NOL4L: variants seen among roughly 807,000 people sequenced by gnomAD.
The protein encoded by NOL4L is nucleolar protein 4 like, also known as nucleolar protein 4-like.
NOL4L carries 7 observed loss-of-function variants against 64.5 expected under a neutral mutation model. The ratio of observed to expected loss-of-function variants is 0.11; its 90% confidence interval spans 0.06 to 0.20. NOL4L has a LOEUF of 0.20. NOL4L is among the 10% of genes least tolerant of loss of function. The pLI, the probability that NOL4L is intolerant of heterozygous loss-of-function variation, is 1.00. For missense variants in NOL4L, 680 were observed against 967.1 expected, an observed-to-expected ratio of 0.70 and a Z score of 3.94; for synonymous variants, 413 against 401.0, an observed-to-expected ratio of 1.03 and a Z score of -0.36.
At chr20:32,562,354 G>T (rs751061062) in intron 1 of NOL4L, among the ~76,000 whole-genome samples, 1 of 152,104 alleles carries the variant, frequency 6.6e-6, no homozygotes, top group African/African-American at 2.4e-5. Flanking sequence ...CCTCAACGCC[G>T]CCTGCCCCAA....
intron 1 of NOL4L, among the ~76,000 whole-genome samples, chr20:32,576,719 C>T (rs1272124506): frequency 1.3e-5 from 2 of 152,198 alleles, no homozygotes; most frequent in African/African-American, 2.4e-5. Context: ...CCCACGACTC[C>T]CGTCTGCTAG....
chr20:32,552,425 G>A (rs1600867998), intron 1 of NOL4L, among the ~76,000 whole-genome samples: 1 of 152,044 alleles, frequency 6.6e-6, no homozygotes. Context: ...GGTAGCTCAT[G>A]CCTATAATCC....
chr20:32,496,297 T>C (rs1484152709), intron 4 of NOL4L, among the ~76,000 whole-genome samples: 2 of 152,250 alleles, frequency 1.3e-5, no homozygotes, highest in Non-Finnish European at 2.9e-5. Context: ...GCTCGGATGC[T>C]GCCTCTTCAG....
At chr20:32,503,439 G>T (rs893720108) in intron 4 of NOL4L, among the ~76,000 whole-genome samples, 1 of 152,178 alleles carries the variant, frequency 6.6e-6, no homozygotes, top group Non-Finnish European at 1.5e-5. Context: ...AGCTCGGGAG[G>T]CTGGGAACTG....
At chr20:32,514,372 A>G (rs1600802888) in intron 3 of NOL4L, among the ~76,000 whole-genome samples, 1 of 152,162 alleles carries the variant, frequency 6.6e-6, no homozygotes, top group Admixed American at 6.5e-5. Flanking sequence ...CATGCCTGTA[A>G]TCCCAGCTAC....
intron 1 of NOL4L, among the ~76,000 whole-genome samples, chr20:32,538,120 G>A (rs1343821029): frequency 5.3e-5 from 8 of 152,202 alleles, no homozygotes; most frequent in African/African-American, 9.6e-5. Context: ...AGCTCCTACT[G>A]TCAGTGCAGG....
chr20:32,521,095 G>A (rs1469799569), intron 2 of NOL4L, among the ~76,000 whole-genome samples, 173 bp from the exon 3 acceptor site: 3 of 152,196 alleles, frequency 2.0e-5, no homozygotes, highest in African/African-American at 7.2e-5. Flanking sequence ...CAATGAGACA[G>A]TACTTTTGTG....
Position 32,447,217 on chromosome 20 carries a change from T to C in NOL4L, c.*379A>G, listed in dbSNP as rs374921459. On this transcript the variant is annotated 3_prime_UTR_variant, in exon 11 of 11. Transcript: ENST00000621426. ...TCCACTTTGCTTTTCTCAATAAATA[T>C]GCAATTCTGCTCACCTAAGACTTGA... The C allele has an allele frequency of 2.0e-4, 95 of 485,490 alleles. No individual in the cohort carries two copies. Among genetic ancestry groups the C allele is most frequent in the Non-Finnish European group, 3.4e-4 (84 of 247,296 alleles). 30.1% of individuals were successfully genotyped at this position (485,490 alleles called of 1,614,324 possible).
intron 1 of NOL4L, among the ~76,000 whole-genome samples, chr20:32,534,972 C>A (rs753953646): frequency 9.3e-5 from 14 of 150,732 alleles, no homozygotes; most frequent in Admixed American, 7.9e-4. Context: ...CCTGGTGGGG[C>A]TGAAAAAAGA....
intron 1 of NOL4L, among the ~76,000 whole-genome samples, chr20:32,569,591 C>T (rs1283792415): frequency 1.3e-5 from 2 of 152,138 alleles, no homozygotes; most frequent in Non-Finnish European, 2.9e-5. Context: ...ACTAGGGCAG[C>T]AGGGCTGGCA....
chr20:32,521,329 C>T (rs1002078181), intron 2 of NOL4L, among the ~76,000 whole-genome samples: 2 of 152,128 alleles, frequency 1.3e-5, no homozygotes, highest in East Asian at 3.8e-4. Context: ...AATTCACTGC[C>T]CCAGGCCCAT....
At chr20:32,504,171 C>A (rs1441070592) in intron 4 of NOL4L, among the ~76,000 whole-genome samples, 1 of 152,096 alleles carries the variant, frequency 6.6e-6, no homozygotes, top group Non-Finnish European at 1.5e-5. Flanking sequence ...TCTTGCTGGA[C>A]TGATTAAGTT....
At chr20:32,450,782 G>A (rs558959520) in intron 10 of NOL4L, among the ~76,000 whole-genome samples, 5 of 152,180 alleles carry the variant, frequency 3.3e-5, no homozygotes, top group Admixed American at 1.3e-4. Flanking sequence ...CCATGTGTAG[G>A]GGGGGCAGGG....
Position 32,471,779 on chromosome 20 carries a change from G to A in NOL4L, c.841+2822C>T, listed in dbSNP as rs147474610. Reference sequence around the variant, plus strand: ...GTGAGTTCTCACTATGAGTTCATGCGAGAGCTGGTTATTTAAAAGAGCCTG... The same window carrying A: ...GTGAGTTCTCACTATGAGTTCATGCAAGAGCTGGTTATTTAAAAGAGCCTG... On this transcript the variant is annotated intron_variant, in intron 5 of 10. Transcript: ENST00000621426. 1.1e-3 allele frequency among the ~76,000 whole-genome samples: 172 copies of A among 152,142 alleles called. No individual in the cohort carries two copies. In the Middle Eastern group the frequency reaches 0.014, roughly 12 times the overall value.
chr20:32,554,536 T>G (rs1224698421), intron 1 of NOL4L, among the ~76,000 whole-genome samples: 6 of 151,640 alleles, frequency 4.0e-5, no homozygotes, highest in East Asian at 3.9e-4. Flanking sequence ...GGGGGGAGGG[T>G]GGAGCTTTCC....
intron 5 of NOL4L, among the ~76,000 whole-genome samples, chr20:32,467,693 G>T (rs1290452239): frequency 2.0e-5 from 3 of 152,168 alleles, no homozygotes; most frequent in Non-Finnish European, 4.4e-5. Flanking sequence ...GTCCACATCT[G>T]GTCCTCAACC....
At chr20:32,450,858 C>G (rs770689128) in intron 10 of NOL4L, among the ~76,000 whole-genome samples, 1 of 152,204 alleles carries the variant, frequency 6.6e-6, no homozygotes, top group Non-Finnish European at 1.5e-5. Flanking sequence ...GTGCTGGCCA[C>G]TCCGGCCTTA....
intron 5 of NOL4L, among the ~76,000 whole-genome samples, chr20:32,467,959 C>A (rs1174819448): frequency 6.6e-6 from 1 of 152,324 alleles, no homozygotes; most frequent in South Asian, 2.1e-4. Context: ...CAGAGACCCG[C>A]CCTGCTGCCC....
In NOL4L at chr20:32,527,999, A is replaced by G. The variant is rs1600835730; in HGVS notation, c.322-86T>C. ...CCTGAGGCCGGGGCAAGGGGTCAGG[A>G]CGGGCAATGCCTCCGACAGTGGGTC... is the stretch of plus-strand genomic sequence containing the variant. On this transcript the variant is annotated intron_variant, in intron 1 of 10. Coordinates refer to ENST00000621426, the MANE Select transcript of NOL4L (RefSeq NM_001256798.2). 3 of 1,077,756 alleles carry G rather than the reference A, an allele frequency of 2.8e-6. No individual in the cohort carries two copies. In the East Asian group the frequency reaches 1.3e-4, roughly 48 times the overall value. 66.8% of individuals were successfully genotyped at this position (1,077,756 alleles called of 1,614,324 possible). A position where few individuals can be genotyped will look rare whatever the true frequency, so the allele number is the denominator to read the frequency against.
Sources: allele counts gnomAD v4.1 joint callset (sites outside exome capture counted in the v4.1 genomes callset), GRCh38; gene constraint gnomAD v4.1.1; transcripts MANE v1.5; gene names NCBI Gene and HGNC (gene_info 2026-07-23, HGNC 2026-07-21).